Variants in SDF4 observed in about 807,000 individuals in gnomAD.
The protein encoded by SDF4 is stromal cell derived factor 4.
In SDF4, 22 loss-of-function variants were observed where a neutral mutation model predicts 34.2. That is an observed-to-expected ratio of 0.64 (90% CI 0.46 to 0.92). The LOEUF (loss-of-function observed/expected upper bound fraction) is 0.92, where lower values mean the gene tolerates loss of function less well. Ranked by LOEUF, SDF4 falls within the 40% of genes least tolerant of loss-of-function variation. The probability of loss-of-function intolerance (pLI) is 0.00; values close to 1 mark genes in which losing one functional copy is unlikely to be tolerated. For synonymous variants in SDF4, 236 were observed against 203.1 expected, an observed-to-expected ratio of 1.16 and a Z score of -1.38; for missense variants, 447 against 499.9, an observed-to-expected ratio of 0.89 and a Z score of 1.01.
chr1:1,219,438 G>A (rs949198123), intron 4 of SDF4: 2 of 1,014,916 alleles, frequency 2.0e-6, no homozygotes, highest in Non-Finnish European at 2.4e-6. Flanking sequence ...CCCTCTGGAG[G>A]AGCGGAATCA....
At chr1:1,223,770 C>T (rs1204014147) in intron 3 of SDF4, 62 bp downstream of exon 3, 1 of 1,258,490 alleles carries the variant, frequency 7.9e-7, no homozygotes, top group Non-Finnish European at 1.1e-6. Context: ...AGGCACCAGG[C>T]AAGGCCCATG....
At chr1:1,222,206 T>A (rs1650006400) in intron 4 of SDF4, among the ~76,000 whole-genome samples, 1 of 152,186 alleles carries the variant, frequency 6.6e-6, no homozygotes, top group Non-Finnish European at 1.5e-5. Flanking sequence ...ACCACGGGCA[T>A]GACCGGGAAG....
At position 1,228,601 on chromosome 1, in the gene SDF4, C is replaced by T; in HGVS notation, c.172G>A (p.Val58Met). 6.2e-7 allele frequency: 1 copy of T among 1,613,262 alleles called. No individual in the cohort carries two copies. ...EILPPDHLNGVKLEMDGHLNR... is the reference protein window; with the variant it reads ...EILPPDHLNGMKLEMDGHLNR... ...AGGTGCCCGTCCATCTCCAGCTTCA[C>T]CCCGTTCAGGTGGTCTGGGGGCAGG... Residue 58 changes from valine to methionine, a missense_variant, in exon 2 of 7, where the codon GTG (valine) becomes ATG (methionine). Physicochemically the swap from Val to Met is conservative, Grantham distance 21 (BLOSUM62 1). Transcript: ENST00000360001.
chr1:1,228,157 C>T (rs1570490155), intron 2 of SDF4, among the ~76,000 whole-genome samples: 2 of 152,376 alleles, frequency 1.3e-5, no homozygotes, highest in East Asian at 3.9e-4. Flanking sequence ...TGCCCCTCAG[C>T]ATGGAGGACG....
rs753274094 is a variant in SDF4 at position 1,228,756 on chromosome 1, C to T, written c.17G>A (p.Gly6Asp). Residue 6 changes from glycine to aspartate, a missense_variant, in exon 2 of 7, where the codon GGT (glycine) becomes GAT (aspartate). Gly to Asp is a moderately conservative substitution (Grantham distance 94, BLOSUM62 -1). Transcript: ENST00000360001. MASRW[G>D]PLIGLAPCCL... ...GCACGGAGCCAGGCCAATGAGGGGA[C>T]CCCACCTGGACGCCATCGCCACCCA... is the stretch of plus-strand genomic sequence containing the variant. The T allele has an allele frequency of 1.8e-5, 29 of 1,610,826 alleles. No homozygotes were observed. In the East Asian group the frequency reaches 2.5e-4, roughly 14 times the overall value.
chr1:1,226,028 T>A (rs557621268), intron 2 of SDF4, among the ~76,000 whole-genome samples: 13 of 152,298 alleles, frequency 8.5e-5, no homozygotes, highest in Admixed American at 2.0e-4. Flanking sequence ...AGAACACAGA[T>A]GTGACTGGGC....
At position 1,217,431 on chromosome 1, in the gene SDF4, CG is replaced by C. The variant is rs1649576625; in HGVS notation, c.*80del. ...CGGGCGGCAGGGAAGAGGTGGGGTC[CG>C]GGACAGCCACGGAGCCCGGAGTCAC... is the stretch of plus-strand genomic sequence containing the variant. On this transcript the variant is annotated 3_prime_UTR_variant, in exon 7 of 7. Transcript: ENST00000360001. The surrounding 1 kb of genome is among the most constrained non-coding windows in gnomAD (Gnocchi z 8.5). 2.4e-6 allele frequency: 3 copies of C among 1,242,418 alleles called. No individual in the cohort carries two copies. The highest frequency in any genetic ancestry group is 8.7e-5 in the Admixed American group (2 of 23,092). The allele number at this position is 1,242,418 out of a possible 1,614,324, so 77.0% of individuals were successfully genotyped here.
At chr1:1,220,960 T>C (rs1323552669) in intron 4 of SDF4, 29 of 364,440 alleles carry the variant, frequency 8.0e-5, no homozygotes, top group Non-Finnish European at 1.4e-4. Context: ...AAGGAAGTAA[T>C]AACGTCCAAT....
rs552484631 is a variant in SDF4 at position 1,217,668 on chromosome 1, G to A, written c.912C>T (p.Asn304=). The A allele has an allele frequency of 1.4e-5, 23 of 1,613,848 alleles. No homozygotes were observed. In the African/African-American group the frequency reaches 1.7e-4, roughly 12 times the overall value. The part of the protein sequence containing the change: ...EELESYMDPM[N]EYNALNEAKQ... The stretch of plus-strand genomic sequence containing the variant: ...TGGCCTCGTTCAGCGCGTTGTACTC[G>A]TTCATGGGGTCCATGTAGCTCTGCG... The change falls in exon 7 of 7, where the codon AAC becomes AAT. Residue 304 remains asparagine, a synonymous_variant. Coordinates refer to ENST00000360001, the MANE Select transcript of SDF4 (RefSeq NM_016176.6). The surrounding 1 kb of genome is among the most constrained non-coding windows in gnomAD (Gnocchi z 8.5).
chr1:1,223,786 G>GGCCCCCCCCCCCCCCCCCCCCCCC, intron 3 of SDF4, 46 bp downstream of exon 3: 52 of 585,238 alleles, frequency 8.9e-5, no homozygotes, highest in East Asian at 2.1e-4. Context: ...CCATGGCCCT[G>GGCCCCCCCCCCCCCCCCCCCCCCC]CCCGCCCCGC....
intron 1 of SDF4, among the ~76,000 whole-genome samples, chr1:1,231,451 G>C (rs2100991144): frequency 6.6e-6 from 1 of 152,376 alleles, no homozygotes; most frequent in South Asian, 2.1e-4. Context: ...CACCGCCTCT[G>C]AGCCAGACAT....
Position 1,228,579 on chromosome 1 carries a change from T to A in SDF4, c.194A>T (p.His65Leu). The change falls in exon 2 of 7, where the codon CAC becomes CTC. Residue 65 changes from histidine (H) to leucine (L), a missense_variant. Physicochemically the swap from His to Leu is moderately conservative, Grantham distance 99 (BLOSUM62 -3). Coordinates refer to ENST00000360001, the MANE Select transcript of SDF4 (RefSeq NM_016176.6). ...CTCCTGGTGGAAGCCGCGATTGAGG[T>A]GCCCGTCCATCTCCAGCTTCACCCC... ...LNGVKLEMDG[H>L]LNRGFHQEVF... 6.2e-7 allele frequency: 1 copy of A among 1,613,132 alleles called. No homozygotes were observed. The highest frequency in any genetic ancestry group is 8.5e-7 in the Non-Finnish European group (1 of 1,179,996).
At chr1:1,224,075 A>C (rs1365611166) in intron 2 of SDF4, 107 bp from the exon 3 acceptor site, 6 of 1,540,334 alleles carry the variant, frequency 3.9e-6, no homozygotes, top group Non-Finnish European at 5.2e-6. Flanking sequence ...TGAACCTGCC[A>C]CCAACAGCGA....
intron 1 of SDF4, among the ~76,000 whole-genome samples, chr1:1,229,687 G>C (rs766063539): frequency 6.6e-5 from 10 of 152,216 alleles, no homozygotes; most frequent in Non-Finnish European, 1.5e-4. Flanking sequence ...CATGGGGTTA[G>C]GGTCACTCTC....
chr1:1,220,871 T>A, intron 4 of SDF4: 1 of 771,390 alleles, frequency 1.3e-6, no homozygotes, highest in Non-Finnish European at 1.9e-6. Flanking sequence ...AAAGACGCAG[T>A]CAGGACAGCA....
intron 2 of SDF4, among the ~76,000 whole-genome samples, 180 bp from the exon 3 acceptor site, chr1:1,224,148 G>A (rs1485106397): frequency 1.3e-5 from 2 of 152,180 alleles, no homozygotes; most frequent in African/African-American, 4.8e-5. Flanking sequence ...GCCGGGCCAC[G>A]CCAGAGACAC....
chr1:1,228,319 TG>T (rs1420079745), intron 2 of SDF4, 148 bp downstream of exon 2: 4 of 891,668 alleles, frequency 4.5e-6, no homozygotes, highest in Non-Finnish European at 1.7e-6. Context: ...CACAGCAGGC[TG>T]GAAGTGGCGC....
chr1:1,222,687 G>T (rs373003849), intron 4 of SDF4, among the ~76,000 whole-genome samples: 2 of 152,252 alleles, frequency 1.3e-5, no homozygotes, highest in African/African-American at 4.8e-5. Flanking sequence ...ACTGAGTAAC[G>T]GCCGTGAAGG....
chr1:1,231,285 G>GA (rs1184154787), intron 1 of SDF4, among the ~76,000 whole-genome samples: 2 of 152,214 alleles, frequency 1.3e-5, no homozygotes, highest in Non-Finnish European at 2.9e-5. Flanking sequence ...TCCCAGCAAG[G>GA]AATCAACACA....
Sources: gnomAD v4.1 joint callset for allele counts (sites outside exome capture counted in the v4.1 genomes callset) on GRCh38, gnomAD v4.1.1 for gene constraint, Gnocchi (gnomAD v3.1) non-coding constraint, MANE v1.5 for transcripts, NCBI Gene and HGNC (gene_info 2026-07-23, HGNC 2026-07-21) for gene names.